BRD9: variants seen among roughly 807,000 people sequenced by gnomAD.
BRD9 encodes bromodomain containing 9, also known as bromodomain-containing protein 9.
Under a neutral mutation model 68.7 loss-of-function variants are expected in BRD9, and 47 were observed. The observed-to-expected ratio is 0.68, with a 90% CI of 0.54 to 0.87. The LOEUF (loss-of-function observed/expected upper bound fraction) is 0.87, where lower values mean the gene tolerates loss of function less well. BRD9 is among the 40% of genes least tolerant of loss of function. The pLI is 0.00. For synonymous variants in BRD9, 313 were observed against 293.9 expected (o/e 1.06, Z -0.67); for missense variants, 670 against 748.4 (o/e 0.90, Z 1.22).
At chr5:876,337 G>C (rs1348678338) in intron 11 of BRD9, 125 bp from the exon 12 acceptor site, 2 of 656,118 alleles carry the variant, frequency 3.0e-6, no homozygotes, top group African/African-American at 3.6e-5. Context: ...CTCCCAGAGC[G>C]GGTATTTTGT....
At chr5:889,251 G>C in intron 4 of BRD9, 86 bp from the exon 5 acceptor site, 1 of 1,386,250 alleles carries the variant, frequency 7.2e-7, no homozygotes, top group East Asian at 2.5e-5. Context: ...GGATACAACT[G>C]ACCGAATTTT....
At position 878,372 on chromosome 5, in the gene BRD9, G is replaced by A. The variant is rs371708847; in HGVS notation, c.1254C>T (p.Gly418=). Residue 418 remains glycine, a synonymous_variant, in exon 11 of 16, where the codon GGC becomes GGT. Coordinates refer to ENST00000467963, the MANE Select transcript of BRD9 (RefSeq NM_023924.5). ...ACACTTGCCTCAGCGCACACTGCACGCCTGTCTCATCTCCGTAGGCTGAGT... is the reference window on the plus strand; with the variant it reads ...ACACTTGCCTCAGCGCACACTGCACACCTGTCTCATCTCCGTAGGCTGAGT... The part of the protein sequence containing the change: ...LLYSAYGDET[G]VQCALSLQEF... The A allele has an allele frequency of 2.3e-5, 37 of 1,613,940 alleles. No homozygotes were observed. Among genetic ancestry groups the A allele is most frequent in the South Asian group, 4.4e-5 (4 of 91,094 alleles).
At position 878,383 on chromosome 5, in the gene BRD9, C is replaced by A. The variant is rs763086894; in HGVS notation, c.1243G>T (p.Asp415Tyr). 3.1e-6 allele frequency: 5 copies of A among 1,614,094 alleles called. No individual in the cohort carries two copies. Among genetic ancestry groups the A allele is most frequent in the Non-Finnish European group, 2.5e-6 (3 of 1,180,058 alleles). ...EMELLYSAYG[D>Y]ETGVQCALSL... The stretch of plus-strand genomic sequence containing the variant: ...AGCGCACACTGCACGCCTGTCTCAT[C>A]TCCGTAGGCTGAGTAGAGCAGCTCC... The change falls in exon 11 of 16, where the codon GAT (aspartate) becomes TAT (tyrosine). Residue 415 changes from aspartate to tyrosine, a missense_variant. Asp to Tyr is a radical substitution (Grantham distance 160). Around this residue, in one of 5 missense-constraint regions of BRD9, gnomAD observed 280 missense variants for 281.5 expected, o/e 0.99. Transcript: ENST00000467963.
At chr5:891,506 T>C in intron 2 of BRD9, 134 bp downstream of exon 2, 1 of 1,390,910 alleles carries the variant, frequency 7.2e-7, no homozygotes, top group Non-Finnish European at 9.5e-7. Context: ...GCCTCAGCGG[T>C]TCGCGTTTTG....
intron 2 of BRD9, 168 bp from the exon 3 acceptor site, chr5:891,455 T>C (rs1365536043): frequency 1.5e-6 from 2 of 1,320,516 alleles, no homozygotes; most frequent in Admixed American, 5.6e-5. Flanking sequence ...CAGGGTCTGC[T>C]GAGGAACAGC....
At position 865,439 on chromosome 5, in the gene BRD9, G is replaced by A. The variant is rs2150545448; in HGVS notation, c.1668C>T (p.Ala556=). 1 of 1,589,834 alleles carries A rather than the reference G, an allele frequency of 6.3e-7. No homozygotes were observed. Among genetic ancestry groups the A allele is most frequent in the Admixed American group, 1.7e-5 (1 of 58,734 alleles). ...CCAGGTGGTGCTGGTCCCTCTCGGA[G>A]GCGTTGGACAGGGAGCTGAGGTTGG... ...PSSNLSSLSN[A]SERDQHHLGS... The change falls in exon 15 of 16, where the codon GCC becomes GCT. Residue 556 remains alanine, a synonymous_variant. Coordinates refer to ENST00000467963, the MANE Select transcript of BRD9 (RefSeq NM_023924.5).
At chr5:868,141 G>A (rs980447916) in intron 14 of BRD9, among the ~76,000 whole-genome samples, 1 of 152,134 alleles carries the variant, frequency 6.6e-6, no homozygotes, top group Non-Finnish European at 1.5e-5. Flanking sequence ...CCCCCTTTGC[G>A]TTCTCTCCTG....
chr5:892,158 A>T, intron 1 of BRD9: 1 of 439,814 alleles, frequency 2.3e-6, no homozygotes, highest in Non-Finnish European at 4.0e-6. Context: ...GGAACCCCGG[A>T]GCCCGATCTC....
chr5:875,976 G>A (rs1194336074), intron 12 of BRD9, 125 bp downstream of exon 12: 2 of 650,462 alleles, frequency 3.1e-6, no homozygotes, highest in African/African-American at 1.8e-5. Context: ...ATCCTGACGA[G>A]GAGCCGGCAG....
At position 891,185 on chromosome 5, in the gene BRD9, G is replaced by T; in HGVS notation, c.370C>A (p.Arg124=). 1 of 1,551,768 alleles carries T rather than the reference G, an allele frequency of 6.4e-7. No homozygotes were observed. The highest frequency in any genetic ancestry group is 8.7e-7 in the Non-Finnish European group (1 of 1,146,986). The part of the protein sequence containing the change: ...KKVEVEPPPD[R]PVRACRTQPA... ...TGTGTCCGGCACGCTCGGACTGGCCGATCTGGGGGCGGCTCCACCTCCACC... is the reference window on the plus strand; with the variant it reads ...TGTGTCCGGCACGCTCGGACTGGCCTATCTGGGGGCGGCTCCACCTCCACC... The change falls in exon 3 of 16, where the codon CGG becomes AGG. Residue 124 remains arginine, a synonymous_variant. Coordinates refer to ENST00000467963, the MANE Select transcript of BRD9 (RefSeq NM_023924.5).
rs1748957274 is a variant in BRD9, at chr5:863,856, A to G, written c.*612T>C. ...AAAACAGGGGAGCTCTCCTCACCCC[A>G]GCCTGGCCCTGTGCTCCCCAATGGC... On this transcript the variant is annotated 3_prime_UTR_variant, in exon 16 of 16. Transcript: ENST00000467963. 2 of 152,422 alleles carry G rather than the reference A, an allele frequency of 1.3e-5. No homozygotes were observed. Among genetic ancestry groups the G allele is most frequent in the Non-Finnish European group, 2.9e-5 (2 of 68,218 alleles). The allele number at this position is 152,422 out of a possible 1,614,324, so 9.4% of individuals were successfully genotyped here.
chr5:892,024 T>TTCC, intron 1 of BRD9, 170 bp from the exon 2 acceptor site: 1 of 1,077,802 alleles, frequency 9.3e-7, no homozygotes, highest in South Asian at 1.7e-5. Context: ...TGTCACTGCC[T>TTCC]CCTTGTTCTC....
At chr5:865,382 C>T in intron 15 of BRD9, 32 bp downstream of exon 15, 1 of 1,544,272 alleles carries the variant, frequency 6.5e-7, no homozygotes, top group Non-Finnish European at 8.7e-7. Context: ...GCTGGGGTCT[C>T]TGGGGATGCG....
chr5:881,732 T>C (rs1751792498), intron 8 of BRD9: 1 of 157,734 alleles, frequency 6.3e-6, no homozygotes, highest in East Asian at 1.9e-4. Flanking sequence ...CATCATGCCA[T>C]GTCAGGGCAG....
At chr5:876,000 A>C in intron 12 of BRD9, 101 bp downstream of exon 12, 1 of 772,984 alleles carries the variant, frequency 1.3e-6, no homozygotes, top group Non-Finnish European at 2.1e-6. Context: ...AGTCCCTGCG[A>C]CAGCTCCTCG....
In BRD9 at chr5:891,820, C is replaced by T; in HGVS notation, c.87G>A (p.Lys29=). The T allele has an allele frequency of 1.3e-6, 2 of 1,551,628 alleles. No homozygotes were observed. Among genetic ancestry groups the T allele is most frequent in the Non-Finnish European group, 1.7e-6 (2 of 1,146,996 alleles). ...CACTTCCTCCGACCTTCAGGACTAGCTTTAGAGGCTTCTCCAGGGGCTTGT... is the reference window on the plus strand; with the variant it reads ...CACTTCCTCCGACCTTCAGGACTAGTTTTAGAGGCTTCTCCAGGGGCTTGT... ...YADKPLEKPL[K]LVLKVGGSEV... Residue 29 remains lysine (K), a synonymous_variant, in exon 2 of 16, where the codon AAG becomes AAA. Coordinates refer to ENST00000467963, the MANE Select transcript of BRD9 (RefSeq NM_023924.5).
intron 2 of BRD9, 32 bp from the exon 3 acceptor site, chr5:891,319 C>A (rs764081180): frequency 6.5e-7 from 1 of 1,546,694 alleles, no homozygotes; most frequent in Non-Finnish European, 8.7e-7. Flanking sequence ...GTGAGAAAGG[C>A]AGGAGTAGGC....
intron 8 of BRD9, chr5:883,324 A>T (rs758806091): frequency 8.8e-6 from 4 of 456,658 alleles, no homozygotes; most frequent in Non-Finnish European, 1.8e-5. Flanking sequence ...ATAGAGGTGA[A>T]ATGAAACCTG....
chr5:870,612 A>C, intron 13 of BRD9, 37 bp from the exon 14 acceptor site: 1 of 1,477,686 alleles, frequency 6.8e-7, no homozygotes, highest in Non-Finnish European at 9.4e-7. Flanking sequence ...CAATTCAAAC[A>C]TCAAACGAAA....
Sources: gnomAD v4.1 joint callset for allele counts (sites outside exome capture counted in the v4.1 genomes callset) on GRCh38, gnomAD v4.1.1 for gene constraint, gnomAD v4.1.1 regional missense constraint, MANE v1.5 for transcripts, NCBI Gene and HGNC (gene_info 2026-07-23, HGNC 2026-07-21) for gene names.